The following BAZ2A variants were observed in gnomAD, a reference collection of about 807,000 sequenced individuals.
BAZ2A encodes the protein bromodomain adjacent to zinc finger domain protein 2A.
In BAZ2A, 34 loss-of-function variants were observed where a neutral mutation model predicts 199.9. The ratio of observed to expected loss-of-function variants is 0.17; its 90% confidence interval spans 0.13 to 0.23. The LOEUF is 0.23. Ranked by LOEUF, BAZ2A falls within the 10% of genes least tolerant of loss-of-function variation. The pLI is 1.00. For synonymous variants in BAZ2A, 857 were observed against 883.9 expected (o/e 0.97, Z 0.54); for missense variants, 2,002 against 2,391.1 (o/e 0.84, Z 3.39).
Position 56,613,130 on chromosome 12 carries a change from G to A in BAZ2A, c.1020C>T (p.Cys340=). 6.2e-7 allele frequency: 1 copy of A among 1,613,996 alleles called. No individual in the cohort carries two copies. The highest frequency in any genetic ancestry group is 8.5e-7 in the Non-Finnish European group (1 of 1,179,900). ...AGGCAGTAGCATTATTGAGGGAAGG[G>A]CAATCAAGGGCAGAAATCACAGGGC... ...EDSPVISALD[C]PSLNNATAFS... is the part of the protein sequence containing the mutation. Residue 340 remains cysteine (C), a synonymous_variant, in exon 5 of 29, where the codon TGC becomes TGT. Transcript: ENST00000549884.
rs778236596 is a variant in BAZ2A, at chr12:56,610,562, C to A, written c.1671-45G>T. The A allele has an allele frequency of 7.7e-6, 12 of 1,560,288 alleles. No homozygotes were observed. In the East Asian group the frequency reaches 1.6e-4, roughly 21 times the overall value. ...GCCCTGCCGCCAGGTCACACCCCTA[C>A]CCACTCCCATGCCACCTAAGCGCGA... is the stretch of plus-strand genomic sequence containing the variant. On this transcript the variant is annotated intron_variant, in intron 7 of 28. Transcript: ENST00000549884.
At chr12:56,603,724 A>G in intron 16 of BAZ2A, 24 bp from the exon 17 acceptor site, 1 of 1,612,992 alleles carries the variant, frequency 6.2e-7, no homozygotes, top group East Asian at 2.2e-5. Flanking sequence ...GAGAAAGATT[A>G]AGGGAAGGCC....
chr12:56,629,254 G>A (rs1951211781), intron 1 of BAZ2A, among the ~76,000 whole-genome samples: 1 of 152,188 alleles, frequency 6.6e-6, no homozygotes, highest in Non-Finnish European at 1.5e-5. Flanking sequence ...TATCCCCTCC[G>A]TCGTCCCCCA....
chr12:56,633,102 T>A (rs567822419), upstream of BAZ2A, among the ~76,000 whole-genome samples: 24 of 152,198 alleles, frequency 1.6e-4, no homozygotes, highest in East Asian at 1.4e-3. Context: ...AGTGGACTAG[T>A]CATGAAGAGA....
chr12:56,630,262 G>T lies in BAZ2A; in HGVS notation c.-140C>A, dbSNP rs952789716. On this transcript the variant is annotated 5_prime_UTR_variant, in exon 1 of 29. Coordinates refer to ENST00000549884, the MANE Select transcript of BAZ2A (RefSeq NM_001300905.2). Reference sequence around the variant, plus strand: ...GGTCTGGGGTCCGGGGTTCGGGAAGGGGGAGGGGGACGCGGCTCAACCGCG... The same window carrying T: ...GGTCTGGGGTCCGGGGTTCGGGAAGTGGGAGGGGGACGCGGCTCAACCGCG... 7 of 983,256 alleles carry T rather than the reference G, an allele frequency of 7.1e-6. No individual in the cohort carries two copies. The highest frequency in any genetic ancestry group is 4.7e-5 in the South Asian group (1 of 21,248). 60.9% of individuals were successfully genotyped at this position (983,256 alleles called of 1,614,324 possible). A position where few individuals can be genotyped will look rare whatever the true frequency, so the allele number is the denominator to read the frequency against.
At chr12:56,631,442 C>A (rs533000040), upstream of BAZ2A, among the ~76,000 whole-genome samples, 1 of 135,300 alleles carries the variant, frequency 7.4e-6, no homozygotes. Flanking sequence ...CAGAGGGAGA[C>A]TCTATCTCAA....
At chr12:56,603,318 A>G (rs1414941151) in intron 18 of BAZ2A, 41 bp downstream of exon 18, 9 of 1,591,848 alleles carry the variant, frequency 5.7e-6, no homozygotes, top group Non-Finnish European at 7.7e-6. Context: ...ATTCTTGCCC[A>G]GCCCATATCT....
intron 1 of BAZ2A, among the ~76,000 whole-genome samples, chr12:56,619,930 G>C (rs1345827690): frequency 1.3e-5 from 2 of 152,108 alleles, no homozygotes; most frequent in Non-Finnish European, 2.9e-5. Context: ...GATTACTTGA[G>C]CCCAAAAGTG....
intron 1 of BAZ2A, among the ~76,000 whole-genome samples, chr12:56,626,743 T>C (rs1480603828): frequency 1.2e-4 from 18 of 152,234 alleles, no homozygotes; most frequent in Non-Finnish European, 1.8e-4. Flanking sequence ...GTCCAAAGAC[T>C]CAAGAGTAGT....
At chr12:56,609,648 C>A in intron 10 of BAZ2A, 88 bp downstream of exon 10, 1 of 1,347,052 alleles carries the variant, frequency 7.4e-7, no homozygotes, top group Non-Finnish European at 1.0e-6. Context: ...TAGTTACACT[C>A]CTGGGAAATC....
In BAZ2A at chr12:56,597,794, G is replaced by A. The variant is rs1159365372; in HGVS notation, c.*824C>T. On this transcript the variant is annotated 3_prime_UTR_variant, in exon 29 of 29. Transcript: ENST00000549884. ...GGTTTGGGAAGGAGGTGGGGAAGGA[G>A]GCTGGAAGGCCCAGGAAGCCTCCCT... 1 of 152,650 alleles carries A rather than the reference G, an allele frequency of 6.6e-6. No homozygotes were observed. The highest frequency in any genetic ancestry group is 1.5e-5 in the Non-Finnish European group (1 of 68,074). 9.5% of individuals were successfully genotyped at this position (152,650 alleles called of 1,614,324 possible).
At chr12:56,619,048 T>C (rs1459407069) in intron 1 of BAZ2A, among the ~76,000 whole-genome samples, 1 of 150,726 alleles carries the variant, frequency 6.6e-6, no homozygotes, top group Non-Finnish European at 1.5e-5. Flanking sequence ...ATTTTAAAAG[T>C]AGCAGGGTGT....
At chr12:56,611,492 G>A (rs1950556177) in intron 7 of BAZ2A, 81 bp downstream of exon 7, 2 of 1,413,066 alleles carry the variant, frequency 1.4e-6, no homozygotes, top group Admixed American at 1.7e-5. Flanking sequence ...CCACCTCAGA[G>A]GAAAAGAGGC....
intron 19 of BAZ2A, 89 bp from the exon 20 acceptor site, chr12:56,602,281 T>A (rs1886569143): frequency 8.4e-7 from 1 of 1,192,998 alleles, no homozygotes. Context: ...TACTTTCTTT[T>A]TCTCTTGGAC....
chr12:56,625,154 C>CTTTTT (rs1002458672), intron 1 of BAZ2A, among the ~76,000 whole-genome samples: 8 of 108,108 alleles, frequency 7.4e-5, no homozygotes, highest in Non-Finnish European at 1.3e-4. Context: ...CTTAGAATTT[C>CTTTTT]TTTTTTTTTT....
chr12:56,605,214 A>G lies in BAZ2A; in HGVS notation c.2607T>C (p.Asp869=), dbSNP rs1424616181. The part of the protein sequence containing the change: ...LHSFGKVLGF[D]PAKDVPSLGV... The stretch of plus-strand genomic sequence containing the variant: ...CCAGGCTAGGCACATCTTTGGCAGG[A>G]TCAAAGCCCAGCACCTTGCCAAAGC... Residue 869 remains aspartate, a synonymous_variant, in exon 14 of 29, where the codon GAT becomes GAC. Transcript: ENST00000549884. 1.2e-6 allele frequency: 2 copies of G among 1,613,692 alleles called. No homozygotes were observed. The highest frequency in any genetic ancestry group is 8.5e-7 in the Non-Finnish European group (1 of 1,179,860).
chr12:56,620,811 G>A (rs530221296), intron 1 of BAZ2A, among the ~76,000 whole-genome samples: 33 of 152,136 alleles, frequency 2.2e-4, no homozygotes, highest in Non-Finnish European at 3.7e-4. Flanking sequence ...TCGACCCACC[G>A]CGGCCTCCCA....
At chr12:56,637,177 CAG>C (rs775667302), upstream of BAZ2A, among the ~76,000 whole-genome samples, 8 of 152,212 alleles carry the variant, frequency 5.3e-5, no homozygotes, top group South Asian at 2.1e-4. Flanking sequence ...AGAGTTCTTG[CAG>C]AGTCTCCAGT....
intron 13 of BAZ2A, 65 bp from the exon 14 acceptor site, chr12:56,605,392 T>C: frequency 2.1e-6 from 3 of 1,440,044 alleles, no homozygotes; most frequent in Non-Finnish European, 2.8e-6. Context: ...TTTGCATGTC[T>C]ACAAGAGGTT....
Sources: gnomAD v4.1 joint callset for allele counts (sites outside exome capture counted in the v4.1 genomes callset) on GRCh38, gnomAD v4.1.1 for gene constraint, MANE v1.5 for transcripts, NCBI Gene and HGNC (gene_info 2026-07-23, HGNC 2026-07-21) for gene names.